The following CHD2 variants were observed in gnomAD, a reference collection of about 807,000 sequenced individuals.
CHD2 encodes the protein ATP-dependent chromatin remodeler CHD2.
A neutral mutation model predicts 243.9 loss-of-function variants in CHD2; 28 were observed. That is an observed-to-expected ratio of 0.11 (90% CI 0.09 to 0.16). The LOEUF is 0.16. Among genes scored for constraint, CHD2 ranks in the 10% least tolerant of loss-of-function variants. The pLI is 1.00. For synonymous variants in CHD2, 775 were observed against 779.0 expected, an observed-to-expected ratio of 0.99 and a Z score of 0.09; for missense variants, 1,386 against 2,209.8, an observed-to-expected ratio of 0.63 and a Z score of 7.47.
intron 32 of CHD2, among the ~76,000 whole-genome samples, chr15:93,001,590 C>G (rs2054257253): frequency 1.3e-5 from 2 of 152,148 alleles, no homozygotes; most frequent in African/African-American, 4.8e-5. Flanking sequence ...GATCTGGGCT[C>G]ACAGCAGCTT....
intron 17 of CHD2, among the ~76,000 whole-genome samples, chr15:92,969,840 C>G (rs1251852575): frequency 6.9e-6 from 1 of 144,174 alleles, no homozygotes; most frequent in African/African-American, 2.6e-5. Context: ...GAGACGGAGT[C>G]TCACTCTGTT....
chr15:92,903,639 C>G (rs4146837), intron 2 of CHD2, among the ~76,000 whole-genome samples: 1 of 151,956 alleles, frequency 6.6e-6, no homozygotes, highest in African/African-American at 2.4e-5. Flanking sequence ...AAACAAAGTT[C>G]TAATGATGGA....
At chr15:92,985,210 G>T (rs189235239) in intron 25 of CHD2, among the ~76,000 whole-genome samples, 3 of 152,268 alleles carry the variant, frequency 2.0e-5, no homozygotes, top group East Asian at 3.9e-4. Context: ...AAAATTACTT[G>T]CCCAAAGGAG....
chr15:92,917,956 G>A (rs915973833), intron 2 of CHD2, among the ~76,000 whole-genome samples: 1 of 150,396 alleles, frequency 6.6e-6, no homozygotes. Context: ...ATTGCTTTGT[G>A]ATTGTTTTGC....
intron 2 of CHD2, among the ~76,000 whole-genome samples, chr15:92,915,692 A>G (rs1159967589): frequency 6.6e-6 from 1 of 152,240 alleles, no homozygotes; most frequent in East Asian, 1.9e-4. Context: ...TGTTTTAAAA[A>G]TTTAATAGTT....
chr15:93,008,604 C>T (rs1291552163), intron 34 of CHD2, among the ~76,000 whole-genome samples: 1 of 152,146 alleles, frequency 6.6e-6, no homozygotes, highest in Non-Finnish European at 1.5e-5. Context: ...TATCCTCTCT[C>T]TTGTTTTCTC....
intron 8 of CHD2, among the ~76,000 whole-genome samples, chr15:92,942,614 G>T (rs2053401440): frequency 6.7e-6 from 1 of 150,084 alleles, no homozygotes; most frequent in South Asian, 2.1e-4. Context: ...GGATTTCTTT[G>T]ATTTCACCTG....
At chr15:93,002,851 T>C (rs2054274471) in intron 33 of CHD2, among the ~76,000 whole-genome samples, 1 of 152,244 alleles carries the variant, frequency 6.6e-6, no homozygotes, top group African/African-American at 2.4e-5. Flanking sequence ...AGTAAAATCA[T>C]TGCCAAAACA....
At chr15:92,974,234 A>G (rs2053878971) in intron 19 of CHD2, among the ~76,000 whole-genome samples, 1 of 152,186 alleles carries the variant, frequency 6.6e-6, no homozygotes, top group Non-Finnish European at 1.5e-5. Context: ...TAGAACTGAC[A>G]TATGTTCTAA....
intron 36 of CHD2, among the ~76,000 whole-genome samples, chr15:93,012,646 ACCCTGT>A (rs2054407487): frequency 6.6e-6 from 1 of 152,062 alleles, no homozygotes; most frequent in South Asian, 2.1e-4. Context: ...AAGAGTGTTT[ACCCTGT>A]GTTTTTAGGT....
In CHD2 at chr15:92,998,058, A is replaced by G; in HGVS notation, c.3886-441A>G. The G allele has an allele frequency of 2.5e-6, 1 of 406,516 alleles. No individual in the cohort carries two copies. The highest frequency in any genetic ancestry group is 9.7e-5 in the South Asian group (1 of 10,284). 25.2% of individuals were successfully genotyped at this position (406,516 alleles called of 1,614,324 possible). A position where few individuals can be genotyped will look rare whatever the true frequency, so the allele number is the denominator to read the frequency against. On this transcript the variant is annotated intron_variant, in intron 30 of 38. Transcript: ENST00000394196. This position sits in a 1 kb window ranked among gnomAD's most constrained non-coding sequence, Gnocchi z 5.1. ...GTCTGGCAAGAGACCCAGTTGTTGT[A>G]GCAAGGAACAGATCATGTCCTGGCG...
chr15:92,924,892 C>G (rs1483303966), intron 3 of CHD2, among the ~76,000 whole-genome samples: 3 of 152,126 alleles, frequency 2.0e-5, no homozygotes, highest in African/African-American at 7.2e-5. Context: ...TCTCCGCCTC[C>G]CAGGTTCAAG....
At chr15:92,925,150 A>G (rs955148351) in intron 3 of CHD2, among the ~76,000 whole-genome samples, 1 of 152,194 alleles carries the variant, frequency 6.6e-6, no homozygotes, top group Non-Finnish European at 1.5e-5. Context: ...AGTTAATAAT[A>G]TGTAGTTATA....
intron 9 of CHD2, 106 bp downstream of exon 9, chr15:92,943,174 C>T: frequency 1.2e-6 from 1 of 846,952 alleles, no homozygotes. Context: ...TCAGATTTTG[C>T]TTTGATCATC....
chr15:92,990,075 A>G (rs975557655), intron 26 of CHD2, among the ~76,000 whole-genome samples: 15 of 152,172 alleles, frequency 9.9e-5, no homozygotes, highest in African/African-American at 9.7e-5. Flanking sequence ...TTTTTGACCA[A>G]TGAATTTTGG....
chr15:92,913,343 G>A (rs1015177086), intron 2 of CHD2, among the ~76,000 whole-genome samples: 1 of 152,138 alleles, frequency 6.6e-6, no homozygotes, highest in African/African-American at 2.4e-5. Context: ...TCTTAGGGAA[G>A]GAAGTTCAAA....
Position 92,930,695 on chromosome 15 carries a change from A to G in CHD2, c.443+1604A>G, listed in dbSNP as rs149931022. Reference sequence around the variant, plus strand: ...AGTCCTCCAGCCTCGGTCTCCTAGGATTACAGGTGTGAGCCACTGTGCCCC... The same window carrying G: ...AGTCCTCCAGCCTCGGTCTCCTAGGGTTACAGGTGTGAGCCACTGTGCCCC... On this transcript the variant is annotated intron_variant, in intron 5 of 38. Transcript: ENST00000394196. 2.0e-4 allele frequency among the ~76,000 whole-genome samples: 30 copies of G among 152,230 alleles called. 1 individual carries two copies. In the East Asian group the frequency reaches 5.8e-3, roughly 29 times the overall value.
intron 2 of CHD2, among the ~76,000 whole-genome samples, chr15:92,912,630 T>G (rs1596369560): frequency 6.6e-6 from 1 of 152,230 alleles, no homozygotes; most frequent in Non-Finnish European, 1.5e-5. Context: ...ACCTCCTGGG[T>G]TCAAGTGATT....
At chr15:92,951,170 T>G (rs1193605554) in intron 13 of CHD2, among the ~76,000 whole-genome samples, 1 of 151,934 alleles carries the variant, frequency 6.6e-6, no homozygotes, top group South Asian at 2.1e-4. Context: ...TTTTAGACTT[T>G]TTATTTTTTA....
Sources: gnomAD v4.1 joint callset for allele counts (sites outside exome capture counted in the v4.1 genomes callset) on GRCh38, gnomAD v4.1.1 for gene constraint, Gnocchi (gnomAD v3.1) non-coding constraint, MANE v1.5 for transcripts, NCBI Gene and HGNC (gene_info 2026-07-23, HGNC 2026-07-21) for gene names.